UBE2E2: variants seen among roughly 807,000 people sequenced by gnomAD.
UBE2E2 encodes the protein ubiquitin conjugating enzyme E2 E2.
A neutral mutation model predicts 24.7 loss-of-function variants in UBE2E2; 6 were observed. The observed-to-expected ratio is 0.24, with a 90% CI of 0.13 to 0.48. The LOEUF is 0.48. Ranked by LOEUF, UBE2E2 falls within the 20% of genes least tolerant of loss-of-function variation. The pLI is 0.99. For missense variants in UBE2E2, 169 were observed against 245.0 expected (o/e 0.69, Z 2.07); for synonymous variants, 104 against 83.6 (o/e 1.24, Z -1.33).
intron 3 of UBE2E2, among the ~76,000 whole-genome samples, chr3:23,417,793 G>A (rs114357703): frequency 0.035 from 5,389 of 152,258 alleles, 142 homozygotes; most frequent in East Asian, 0.13. Flanking sequence ...TGGCTACAGC[G>A]GCGCTTTGCA....
chr3:23,569,222 C>T (rs1348297091), intron 5 of UBE2E2, among the ~76,000 whole-genome samples: 1 of 152,164 alleles, frequency 6.6e-6, no homozygotes, highest in Non-Finnish European at 1.5e-5. Context: ...AAACCAATCA[C>T]AAGAGACTAC....
At chr3:23,304,328 G>T (rs1461236264) in intron 3 of UBE2E2, among the ~76,000 whole-genome samples, 1 of 152,068 alleles carries the variant, frequency 6.6e-6, no homozygotes, top group Non-Finnish European at 1.5e-5. Flanking sequence ...AAAATTAGCA[G>T]TTAAGTTTTT....
chr3:23,282,011 G>T (rs983370076), intron 3 of UBE2E2, among the ~76,000 whole-genome samples: 6 of 152,162 alleles, frequency 3.9e-5, no homozygotes, highest in Non-Finnish European at 7.3e-5. Context: ...TGTAAATTTT[G>T]CAAATGAAAC....
intron 3 of UBE2E2, among the ~76,000 whole-genome samples, chr3:23,330,860 G>C (rs1011736867): frequency 1.3e-5 from 2 of 151,920 alleles, no homozygotes; most frequent in African/African-American, 4.8e-5. Flanking sequence ...ATATAAGAAA[G>C]GATTTATTGT....
intron 3 of UBE2E2, among the ~76,000 whole-genome samples, chr3:23,347,279 A>T (rs1441453360): frequency 6.6e-6 from 1 of 152,234 alleles, no homozygotes; most frequent in Non-Finnish European, 1.5e-5. Context: ...CACTATTCGC[A>T]GTAGCAGAGA....
chr3:23,205,012 C>T (rs1244065445), intron 1 of UBE2E2, among the ~76,000 whole-genome samples: 1 of 152,138 alleles, frequency 6.6e-6, no homozygotes, highest in Non-Finnish European at 1.5e-5. Context: ...CAAATCATTT[C>T]ATTTTTATGG....
At chr3:23,382,295 C>T (rs1231560136) in intron 3 of UBE2E2, among the ~76,000 whole-genome samples, 2 of 150,926 alleles carry the variant, frequency 1.3e-5, no homozygotes. Flanking sequence ...GATTCTCCTG[C>T]CTCAGCCTCC....
At chr3:23,577,464 T>C (rs959690742) in intron 5 of UBE2E2, among the ~76,000 whole-genome samples, 1 of 152,014 alleles carries the variant, frequency 6.6e-6, no homozygotes, top group Admixed American at 6.6e-5. Context: ...TGCAATCCTG[T>C]GAAGGCCGAG....
chr3:23,454,717 GTT>G (rs1228574129), intron 3 of UBE2E2, among the ~76,000 whole-genome samples: 1 of 152,128 alleles, frequency 6.6e-6, no homozygotes, highest in Non-Finnish European at 1.5e-5. Context: ...CTCTTTTAAA[GTT>G]TTGTTTGAAC....
intron 3 of UBE2E2, among the ~76,000 whole-genome samples, chr3:23,486,043 C>T (rs1398188700): frequency 1.3e-5 from 2 of 152,148 alleles, no homozygotes; most frequent in Non-Finnish European, 2.9e-5. Context: ...TTTGCTCATG[C>T]CTGCTGGATT....
chr3:23,302,135 T>G (rs1215052567), intron 3 of UBE2E2, among the ~76,000 whole-genome samples: 1 of 152,114 alleles, frequency 6.6e-6, no homozygotes, highest in Non-Finnish European at 1.5e-5. Context: ...TTACTTTAGG[T>G]TTCTCTGTCT....
chr3:23,345,041 A>G (rs1695510817), intron 3 of UBE2E2, among the ~76,000 whole-genome samples: 1 of 152,148 alleles, frequency 6.6e-6, no homozygotes, highest in South Asian at 2.1e-4. Context: ...CTGAAAGAGG[A>G]GGAAACGAAT....
At chr3:23,290,648 T>C (rs1698739221) in intron 3 of UBE2E2, among the ~76,000 whole-genome samples, 2 of 152,104 alleles carry the variant, frequency 1.3e-5, no homozygotes, top group South Asian at 2.1e-4. Flanking sequence ...GACAAGCTTA[T>C]CATAGTTGTG....
chr3:23,305,345 A>C (rs1406640415), intron 3 of UBE2E2, among the ~76,000 whole-genome samples: 2 of 152,214 alleles, frequency 1.3e-5, no homozygotes, highest in Non-Finnish European at 2.9e-5. Context: ...GAAATGCTTT[A>C]TGCATGCTCA....
chr3:23,400,641 C>CACACACACACACACACACACAT (rs954347007), intron 3 of UBE2E2, among the ~76,000 whole-genome samples: 2 of 149,914 alleles, frequency 1.3e-5, no homozygotes, highest in African/African-American at 4.9e-5. Flanking sequence ...CACACACACA[C>CACACACACACACACACACACAT]ATCTCAGGCC....
chr3:23,255,975 T>C (rs1466469426), intron 3 of UBE2E2, among the ~76,000 whole-genome samples: 1 of 152,198 alleles, frequency 6.6e-6, no homozygotes, highest in Admixed American at 6.5e-5. Context: ...ACTCTGCCTC[T>C]AAAAATAAAT....
At chr3:23,245,650 A>G (rs17342904) in intron 3 of UBE2E2, among the ~76,000 whole-genome samples, 28,178 of 152,144 alleles carry the variant, frequency 0.19, 2,774 homozygotes, top group Non-Finnish European at 0.21. Context: ...AATAGCATGA[A>G]TAATTGAAGC....
At chr3:23,444,832 C>T (rs1416953743) in intron 3 of UBE2E2, among the ~76,000 whole-genome samples, 8 of 152,142 alleles carry the variant, frequency 5.3e-5, no homozygotes, top group Middle Eastern at 3.4e-3. Flanking sequence ...GTACTTTGGG[C>T]CTAAGACAGT....
intron 3 of UBE2E2, among the ~76,000 whole-genome samples, chr3:23,308,668 T>C (rs1455587932): frequency 1.3e-5 from 2 of 152,170 alleles, no homozygotes; most frequent in Admixed American, 1.3e-4. Context: ...AGTGTATTAG[T>C]CAGGGTTCTC....
Sources: allele counts gnomAD v4.1 joint callset (sites outside exome capture counted in the v4.1 genomes callset), GRCh38; gene constraint gnomAD v4.1.1; transcripts MANE v1.5; gene names NCBI Gene and HGNC (gene_info 2026-07-23, HGNC 2026-07-21).